Variants in RNGTT observed in about 807,000 individuals in gnomAD.
RNGTT encodes the protein RNA guanylyltransferase and 5'-phosphatase.
RNGTT carries 33 observed loss-of-function variants against 79.3 expected under a neutral mutation model. That is an observed-to-expected ratio of 0.42 (90% CI 0.32 to 0.56). The LOEUF (loss-of-function observed/expected upper bound fraction) is 0.56. Among genes scored for constraint, RNGTT ranks in the 20% least tolerant of loss-of-function variants. RNGTT has a pLI of 0.17. For missense variants in RNGTT, 497 were observed against 739.1 expected (o/e 0.67, Z 3.80); for synonymous variants, 222 against 235.9 (o/e 0.94, Z 0.54).
At chr6:88,914,601 C>T (rs1289860441) in intron 4 of RNGTT, among the ~76,000 whole-genome samples, 1 of 152,118 alleles carries the variant, frequency 6.6e-6, no homozygotes, top group East Asian at 1.9e-4. Flanking sequence ...AAGAATTAAA[C>T]TGGACCCCTA....
intron 8 of RNGTT, among the ~76,000 whole-genome samples, chr6:88,857,273 A>T (rs954481481): frequency 6.6e-6 from 1 of 152,160 alleles, no homozygotes; most frequent in Non-Finnish European, 1.5e-5. Flanking sequence ...CCTAATTCAC[A>T]TTCCTCCCAG....
At chr6:88,836,656 T>C (rs1391530636) in intron 11 of RNGTT, among the ~76,000 whole-genome samples, 1 of 151,910 alleles carries the variant, frequency 6.6e-6, no homozygotes, top group Non-Finnish European at 1.5e-5. Context: ...GCGGGATGAT[T>C]GCTGAAGCCA....
chr6:88,919,902 C>T (rs1051486335), intron 4 of RNGTT, among the ~76,000 whole-genome samples: 12 of 151,922 alleles, frequency 7.9e-5, no homozygotes, highest in Admixed American at 6.6e-5. Context: ...GGTGGTCAGG[C>T]TGGTCTCAAA....
chr6:88,641,763 T>C (rs79816689), intron 14 of RNGTT, among the ~76,000 whole-genome samples: 6 of 152,296 alleles, frequency 3.9e-5, no homozygotes, highest in African/African-American at 1.2e-4. Flanking sequence ...AGCAGACTCA[T>C]TGAAGAAAAG....
intron 4 of RNGTT, among the ~76,000 whole-genome samples, chr6:88,928,000 T>C (rs897570198): frequency 2.6e-5 from 4 of 151,706 alleles, no homozygotes; most frequent in Non-Finnish European, 5.9e-5. Context: ...ACACCAGCAG[T>C]TCAAACCAAG....
At chr6:88,655,485 A>C (rs1773943751) in intron 14 of RNGTT, among the ~76,000 whole-genome samples, 1 of 152,338 alleles carries the variant, frequency 6.6e-6, no homozygotes, top group South Asian at 2.1e-4. Flanking sequence ...GATTTTTTAA[A>C]ATTCAAGTTC....
rs1388761960 is a variant in RNGTT at position 88,890,743 on chromosome 6, C to T, written c.795-147G>A. On this transcript the variant is annotated intron_variant, in intron 7 of 15. Transcript: ENST00000369485. ...TCAGCTGGAATAACATCCGCTTTCA[C>T]AAAAATACTAATAAAAGATTATCAT... 1.6e-5 allele frequency: 8 copies of T among 503,602 alleles called. No individual in the cohort carries two copies. In the Middle Eastern group the frequency reaches 1.4e-3, roughly 89 times the overall value. The allele number at this position is 503,602 out of a possible 1,614,324, so 31.2% of individuals were successfully genotyped here. A position where few individuals can be genotyped will look rare whatever the true frequency, so the allele number is the denominator to read the frequency against.
chr6:88,770,618 A>G (rs1778622999), intron 12 of RNGTT, among the ~76,000 whole-genome samples: 1 of 152,166 alleles, frequency 6.6e-6, no homozygotes, highest in Non-Finnish European at 1.5e-5. Context: ...ATTTGTATTG[A>G]CATGTTTTCC....
intron 14 of RNGTT, among the ~76,000 whole-genome samples, chr6:88,643,982 A>G (rs893183639): frequency 6.6e-6 from 1 of 152,218 alleles, no homozygotes; most frequent in Non-Finnish European, 1.5e-5. Flanking sequence ...AGCTAGCAGA[A>G]GGCAAGAAAT....
At chr6:88,674,867 T>C (rs1453902851) in intron 14 of RNGTT, among the ~76,000 whole-genome samples, 1 of 151,906 alleles carries the variant, frequency 6.6e-6, no homozygotes, top group Admixed American at 6.6e-5. Flanking sequence ...GAGGCTGAAG[T>C]GGGCGGACTG....
At chr6:88,810,250 G>A (rs539672650) in intron 11 of RNGTT, among the ~76,000 whole-genome samples, 18 of 152,266 alleles carry the variant, frequency 1.2e-4, no homozygotes, top group Non-Finnish European at 1.9e-4. Flanking sequence ...GGCTAAGACC[G>A]GACTTCACTG....
At chr6:88,720,393 C>A (rs1776667855) in intron 13 of RNGTT, among the ~76,000 whole-genome samples, 1 of 152,054 alleles carries the variant, frequency 6.6e-6, no homozygotes, top group Non-Finnish European at 1.5e-5. Flanking sequence ...AATCCCTTTA[C>A]CCTCACCTAA....
chr6:88,629,583 T>G (rs1373224310), intron 14 of RNGTT, among the ~76,000 whole-genome samples: 1 of 152,120 alleles, frequency 6.6e-6, no homozygotes, highest in Non-Finnish European at 1.5e-5. Context: ...GTAAGGAGAA[T>G]GTGTTCTAGT....
intron 13 of RNGTT, among the ~76,000 whole-genome samples, chr6:88,701,173 G>T (rs971335615): frequency 6.6e-6 from 1 of 151,982 alleles, no homozygotes; most frequent in African/African-American, 2.4e-5. Context: ...TGGATAGAGG[G>T]GAAGGCAGAG....
intron 13 of RNGTT, among the ~76,000 whole-genome samples, chr6:88,768,577 T>G (rs1778545122): frequency 6.6e-6 from 1 of 152,232 alleles, no homozygotes; most frequent in Non-Finnish European, 1.5e-5. Context: ...ATATCCCCTG[T>G]TCCATCAGCT....
At chr6:88,897,679 T>A (rs1346667863) in intron 6 of RNGTT, among the ~76,000 whole-genome samples, 1 of 152,198 alleles carries the variant, frequency 6.6e-6, no homozygotes, top group African/African-American at 2.4e-5. Flanking sequence ...GCTTGCAAAG[T>A]TGGCTCCTGA....
intron 12 of RNGTT, among the ~76,000 whole-genome samples, chr6:88,771,313 GTGTATATATA>G (rs1315213174): frequency 7.5e-3 from 357 of 47,712 alleles, no homozygotes; most frequent in African/African-American, 0.024. Flanking sequence ...ATGTGTGTGT[GTGTATATATA>G]TATATATATA....
chr6:88,884,596 A>G (rs1047131844), intron 8 of RNGTT, among the ~76,000 whole-genome samples: 70 of 152,308 alleles, frequency 4.6e-4, no homozygotes, highest in East Asian at 3.9e-4. Context: ...AACATTTCTC[A>G]GAGCATACTC....
At chr6:88,842,047 G>A (rs1375402944) in intron 11 of RNGTT, among the ~76,000 whole-genome samples, 2 of 152,150 alleles carry the variant, frequency 1.3e-5, no homozygotes, top group Non-Finnish European at 2.9e-5. Context: ...CAATCGGTTT[G>A]CTAAGAAAGT....
Sources: gnomAD v4.1 joint callset for allele counts (sites outside exome capture counted in the v4.1 genomes callset) on GRCh38, gnomAD v4.1.1 for gene constraint, MANE v1.5 for transcripts, NCBI Gene and HGNC (gene_info 2026-07-23, HGNC 2026-07-21) for gene names.